The following EPB41L2 variants were observed in gnomAD, a reference collection of about 807,000 sequenced individuals.
EPB41L2 encodes erythrocyte membrane protein band 4.1 like 2, also known as band 4.1-like protein 2.
Under a neutral mutation model 113.0 loss-of-function variants are expected in EPB41L2, and 43 were observed. That is an observed-to-expected ratio of 0.38 (90% CI 0.30 to 0.49). The LOEUF (loss-of-function observed/expected upper bound fraction) is 0.49. EPB41L2 is among the 20% of genes least tolerant of loss of function. The pLI is 0.95. For synonymous variants in EPB41L2, 442 were observed against 436.7 expected (o/e 1.01, Z -0.15); for missense variants, 1,147 against 1,223.4 (o/e 0.94, Z 0.93).
chr6:130,891,618 T>C (rs1035929454), intron 10 of EPB41L2, among the ~76,000 whole-genome samples: 2 of 152,006 alleles, frequency 1.3e-5, no homozygotes, highest in African/African-American at 4.8e-5. Context: ...GCCCAGCTAA[T>C]TTTTGTATTT....
At chr6:131,036,068 G>GA (rs931683223) in intron 1 of EPB41L2, among the ~76,000 whole-genome samples, 7 of 152,128 alleles carry the variant, frequency 4.6e-5, no homozygotes, top group Admixed American at 4.6e-4. Flanking sequence ...GGGCAGTGGG[G>GA]AATCATTTAA....
intron 19 of EPB41L2, among the ~76,000 whole-genome samples, chr6:130,847,657 TG>T (rs1254856699): frequency 6.6e-6 from 1 of 152,228 alleles, no homozygotes; most frequent in Non-Finnish European, 1.5e-5. Flanking sequence ...TGTTCTCTTT[TG>T]TTGATTAACT....
At chr6:130,916,196 A>T (rs1431116516) in intron 4 of EPB41L2, among the ~76,000 whole-genome samples, 1 of 152,068 alleles carries the variant, frequency 6.6e-6, no homozygotes, top group Non-Finnish European at 1.5e-5. Flanking sequence ...AGGTTACAGA[A>T]TTTTTTTTAA....
chr6:131,003,180 ACT>A (rs1330219538), intron 1 of EPB41L2, among the ~76,000 whole-genome samples: 10 of 152,244 alleles, frequency 6.6e-5, no homozygotes, highest in Non-Finnish European at 1.3e-4. Flanking sequence ...ACAAAATAAC[ACT>A]GAGTGAAAAA....
intron 4 of EPB41L2, among the ~76,000 whole-genome samples, chr6:130,913,259 C>T (rs1185976207): frequency 6.6e-6 from 1 of 152,230 alleles, no homozygotes; most frequent in Non-Finnish European, 1.5e-5. Context: ...CTTTCCACAA[C>T]ACTGCCAGAC....
chr6:130,884,567 T>C (rs970165073), intron 12 of EPB41L2, among the ~76,000 whole-genome samples: 1 of 152,150 alleles, frequency 6.6e-6, no homozygotes, highest in Non-Finnish European at 1.5e-5. Context: ...ATGGGTTACT[T>C]CTCCATTTCA....
At chr6:131,016,053 G>T (rs1372001101) in intron 1 of EPB41L2, among the ~76,000 whole-genome samples, 1 of 152,182 alleles carries the variant, frequency 6.6e-6, no homozygotes, top group Non-Finnish European at 1.5e-5. Flanking sequence ...TGCTGGACAG[G>T]GTGAAAAGGG....
At chr6:130,957,380 G>A (rs1817774520) in intron 1 of EPB41L2, among the ~76,000 whole-genome samples, 1 of 152,196 alleles carries the variant, frequency 6.6e-6, no homozygotes, top group African/African-American at 2.4e-5. Flanking sequence ...CTGACATAAA[G>A]AACAACAGGC....
chr6:130,903,862 T>C (rs12214117), intron 6 of EPB41L2, among the ~76,000 whole-genome samples: 3,161 of 152,278 alleles, frequency 0.021, 51 homozygotes, highest in South Asian at 0.06. Context: ...TTGGTTGCCA[T>C]TCAGGTACTC....
chr6:130,927,121 T>C (rs1397182100), intron 3 of EPB41L2, among the ~76,000 whole-genome samples: 1 of 152,176 alleles, frequency 6.6e-6, no homozygotes, highest in Admixed American at 6.5e-5. Context: ...CTAACATAAT[T>C]TATCCTATCA....
At chr6:130,876,595 A>G in intron 14 of EPB41L2, 1 of 908,400 alleles carries the variant, frequency 1.1e-6, no homozygotes, top group Non-Finnish European at 1.5e-6. Flanking sequence ...ACAGGAAAAA[A>G]GAAATCTTAT....
chr6:130,871,878 TG>T lies in EPB41L2; in HGVS notation c.2044-1753del, dbSNP rs1412299161. Among the ~76,000 whole-genome samples, 8 of 152,358 alleles carry T rather than the reference TG, an allele frequency of 5.3e-5. No homozygotes were observed. The East Asian group carries it at 1.5e-3, about 29-fold the overall frequency. ...TTATAGATCAGTGAATTATTATTAT[TG>T]TTATATCTTAACCTCAATTAGCTGG... On this transcript the variant is annotated intron_variant, in intron 14 of 19. Coordinates refer to ENST00000337057, the MANE Select transcript of EPB41L2 (RefSeq NM_001431.4).
chr6:130,997,819 A>C (rs985690844), intron 1 of EPB41L2, among the ~76,000 whole-genome samples: 3 of 152,220 alleles, frequency 2.0e-5, no homozygotes, highest in African/African-American at 7.2e-5. Flanking sequence ...GTCTGTAGGG[A>C]AGAATTAAAA....
In EPB41L2 at chr6:131,022,582, G is replaced by A. The variant is rs372712220; in HGVS notation, c.-15+40573C>T. 1.9e-4 allele frequency among the ~76,000 whole-genome samples: 29 copies of A among 152,222 alleles called. 1 individual carries two copies. Among genetic ancestry groups the A allele is most frequent in the African/African-American group, 6.7e-4 (28 of 41,532 alleles). On this transcript the variant is annotated intron_variant, in intron 1 of 19. Transcript: ENST00000337057. Reference sequence around the variant, plus strand: ...CAAGTCATTTAATCTCCTTGCCTTGGTTTCCTCAACTGTAAAAGGAAAATA... The same window carrying A: ...CAAGTCATTTAATCTCCTTGCCTTGATTTCCTCAACTGTAAAAGGAAAATA...
chr6:130,968,837 A>G (rs980661387), intron 1 of EPB41L2, among the ~76,000 whole-genome samples: 1 of 152,154 alleles, frequency 6.6e-6, no homozygotes, highest in Non-Finnish European at 1.5e-5. Context: ...TGGTGGCTAG[A>G]ATACGTTTTT....
chr6:131,020,254 A>G (rs1317897113), intron 1 of EPB41L2, among the ~76,000 whole-genome samples: 1 of 151,862 alleles, frequency 6.6e-6, no homozygotes, highest in African/African-American at 2.4e-5. Flanking sequence ...TTCATACAAT[A>G]TTTGTTCATA....
At chr6:130,969,362 CCT>C (rs1776190363) in intron 1 of EPB41L2, among the ~76,000 whole-genome samples, 1 of 152,096 alleles carries the variant, frequency 6.6e-6, no homozygotes, top group Non-Finnish European at 1.5e-5. Context: ...TTACAGTGGC[CCT>C]GTTTTTCATT....
chr6:130,863,284 T>G (rs1368364233), intron 18 of EPB41L2, among the ~76,000 whole-genome samples: 3 of 152,246 alleles, frequency 2.0e-5, no homozygotes, highest in African/African-American at 7.2e-5. Context: ...GCTTAGTGGC[T>G]TTCTTCATTT....
intron 1 of EPB41L2, among the ~76,000 whole-genome samples, chr6:131,050,058 A>G (rs4895910): frequency 0.62 from 94,266 of 152,074 alleles, 29,442 homozygotes; most frequent in African/African-American, 0.67. Context: ...TCAAATGGGG[A>G]CCGGGTGCGG....
Sources: gnomAD v4.1 joint callset for allele counts (sites outside exome capture counted in the v4.1 genomes callset) on GRCh38, gnomAD v4.1.1 for gene constraint, MANE v1.5 for transcripts, NCBI Gene and HGNC (gene_info 2026-07-23, HGNC 2026-07-21) for gene names.